KCNIP1: variants seen among roughly 807,000 people sequenced by gnomAD.
The protein encoded by KCNIP1 is potassium voltage-gated channel interacting protein 1.
KCNIP1 carries 18 observed loss-of-function variants against 33.0 expected under a neutral mutation model. The observed-to-expected ratio is 0.55, with a 90% CI of 0.38 to 0.81. KCNIP1 has a LOEUF of 0.81. Among genes scored for constraint, KCNIP1 ranks in the 30% least tolerant of loss-of-function variants. The pLI is 0.00. For missense variants in KCNIP1, 238 were observed against 271.6 expected, an observed-to-expected ratio of 0.88 and a Z score of 0.87; for synonymous variants, 93 against 98.3, an observed-to-expected ratio of 0.95 and a Z score of 0.32.
Position 170,725,403 on chromosome 5 carries a change from G to A in KCNIP1, c.435+2583G>A, listed in dbSNP as rs138092490. ...ATGGAATTGGAGGTCATTACATTAA[G>A]TGAAATGAACCAGGCACAGAAAGAC... On this transcript the variant is annotated intron_variant, in intron 5 of 7. Coordinates refer to ENST00000328939, the MANE Select transcript of KCNIP1 (RefSeq NM_014592.4). Among the ~76,000 whole-genome samples, 176 of 152,266 alleles carry A rather than the reference G, an allele frequency of 1.2e-3. 1 individual carries two copies. Among genetic ancestry groups the A allele is most frequent in the Non-Finnish European group, 1.9e-3 (132 of 68,012 alleles).
chr5:170,446,448 T>C (rs1336112556), intron 1 of KCNIP1, among the ~76,000 whole-genome samples: 3 of 151,158 alleles, frequency 2.0e-5, no homozygotes, highest in Non-Finnish European at 2.9e-5. Flanking sequence ...TGGGTACAGC[T>C]CCTGACACTC....
chr5:170,683,221 G>C (rs563744001), intron 1 of KCNIP1, among the ~76,000 whole-genome samples: 6 of 152,290 alleles, frequency 3.9e-5, no homozygotes, highest in African/African-American at 1.4e-4. Context: ...ACAGTGCTAA[G>C]TGCCTTTATA....
At chr5:170,465,431 T>A (rs78943951) in intron 1 of KCNIP1, among the ~76,000 whole-genome samples, 1,831 of 152,322 alleles carry the variant, frequency 0.012, 16 homozygotes, top group Non-Finnish European at 0.019. Flanking sequence ...CTCAAAGAAA[T>A]GTCTTCATCC....
chr5:170,536,585 C>T (rs959676863), intron 1 of KCNIP1, among the ~76,000 whole-genome samples: 2 of 152,142 alleles, frequency 1.3e-5, no homozygotes, highest in Non-Finnish European at 2.9e-5. Context: ...GTTACCAGCC[C>T]AGGTCTCAGT....
intron 1 of KCNIP1, among the ~76,000 whole-genome samples, chr5:170,657,237 C>T (rs1761307732): frequency 6.6e-6 from 1 of 152,114 alleles, no homozygotes; most frequent in South Asian, 2.1e-4. Flanking sequence ...CTCAGGTGAT[C>T]TGAGCACCTC....
intron 1 of KCNIP1, among the ~76,000 whole-genome samples, chr5:170,709,961 G>A (rs895903942): frequency 6.6e-6 from 1 of 151,912 alleles, no homozygotes. Context: ...TCCACCCCTT[G>A]GGCTCAAGTG....
intron 1 of KCNIP1, among the ~76,000 whole-genome samples, chr5:170,508,234 G>A (rs762679510): frequency 5.3e-5 from 8 of 152,156 alleles, no homozygotes; most frequent in Non-Finnish European, 1.2e-4. Context: ...GCTGAGCTTC[G>A]GATCTCCAGA....
chr5:170,484,942 C>T (rs1374328328), intron 1 of KCNIP1, among the ~76,000 whole-genome samples: 5 of 129,480 alleles, frequency 3.9e-5, no homozygotes, highest in Admixed American at 1.6e-4. Context: ...TTTCTTTTTT[C>T]TTTTTTTTTT....
chr5:170,624,724 C>G (rs9790981), intron 1 of KCNIP1, among the ~76,000 whole-genome samples: 15,416 of 35,266 alleles, frequency 0.44, 1,989 homozygotes, highest in East Asian at 0.59. Flanking sequence ...GAAAGGAGAC[C>G]GGGGAGGTGG....
intron 1 of KCNIP1, among the ~76,000 whole-genome samples, chr5:170,511,208 C>CA (rs575682183): frequency 1.3e-5 from 2 of 151,826 alleles, no homozygotes; most frequent in African/African-American, 2.4e-5. Context: ...GACTCCGTCT[C>CA]AAAAAAAATA....
At chr5:170,648,111 A>C (rs1352487772) in intron 1 of KCNIP1, among the ~76,000 whole-genome samples, 1 of 152,236 alleles carries the variant, frequency 6.6e-6, no homozygotes, top group Non-Finnish European at 1.5e-5. Context: ...CCAATATCCA[A>C]AACACTTAAC....
In KCNIP1 at chr5:170,728,427, G is replaced by A. The variant is rs144375106; in HGVS notation, c.436-4373G>A. ...GTTAATGACATGATTTTCTATCTGA[G>A]AAAAAAGACAGCAAGAAAATCAACT... On this transcript the variant is annotated intron_variant, in intron 5 of 7. Coordinates refer to ENST00000328939, the MANE Select transcript of KCNIP1 (RefSeq NM_014592.4). Among the ~76,000 whole-genome samples, 323 of 152,120 alleles carry A rather than the reference G, an allele frequency of 2.1e-3. 1 individual carries two copies. Among genetic ancestry groups the A allele is most frequent in the African/African-American group, 7.4e-3 (308 of 41,524 alleles).
intron 1 of KCNIP1, among the ~76,000 whole-genome samples, chr5:170,409,699 G>A (rs980480110): frequency 2.6e-5 from 4 of 152,164 alleles, no homozygotes; most frequent in Admixed American, 1.3e-4. Context: ...GAATTCCACC[G>A]ACAGCAGGGT....
intron 1 of KCNIP1, among the ~76,000 whole-genome samples, chr5:170,450,811 G>A (rs568632483): frequency 3.3e-5 from 5 of 152,178 alleles, no homozygotes; most frequent in East Asian, 1.9e-4. Flanking sequence ...AAAATCCTGC[G>A]GATCGCAAGC....
At chr5:170,390,517 A>AAAAATATATATATATATATATAT in intron 1 of KCNIP1, among the ~76,000 whole-genome samples, 2 of 74,534 alleles carry the variant, frequency 2.7e-5, no homozygotes, top group African/African-American at 6.4e-5. Context: ...AAAAAAAACA[A>AAAAATATATATATATATATATAT]ATATATATAT....
intron 1 of KCNIP1, among the ~76,000 whole-genome samples, chr5:170,550,488 A>AGTG (rs1756571734): frequency 6.7e-5 from 10 of 150,148 alleles, no homozygotes; most frequent in African/African-American, 2.5e-4. Flanking sequence ...TGGTGATGAC[A>AGTG]ATGATGGTGA....
chr5:170,423,824 C>T (rs1425048004), intron 1 of KCNIP1, among the ~76,000 whole-genome samples: 1 of 152,224 alleles, frequency 6.6e-6, no homozygotes, highest in Non-Finnish European at 1.5e-5. Flanking sequence ...GATGGGGAGC[C>T]GGGTGCTGTA....
chr5:170,672,764 G>T (rs1230585267), intron 1 of KCNIP1, among the ~76,000 whole-genome samples: 2 of 152,226 alleles, frequency 1.3e-5, no homozygotes, highest in African/African-American at 4.8e-5. Flanking sequence ...GAAAATAGAG[G>T]AGAAATTGGA....
chr5:170,562,648 C>T (rs182452900), intron 1 of KCNIP1, among the ~76,000 whole-genome samples: 2 of 152,178 alleles, frequency 1.3e-5, no homozygotes, highest in African/African-American at 4.8e-5. Context: ...CCCTGCACGC[C>T]GTCTCTCAGT....
Sources: gnomAD v4.1 joint callset for allele counts (sites outside exome capture counted in the v4.1 genomes callset) on GRCh38, gnomAD v4.1.1 for gene constraint, MANE v1.5 for transcripts, NCBI Gene and HGNC (gene_info 2026-07-23, HGNC 2026-07-21) for gene names.